The following SLC25A26 variants were observed in gnomAD, a reference collection of about 807,000 sequenced individuals.
SLC25A26 encodes the protein solute carrier family 25 member 26.
SLC25A26 carries 36 observed loss-of-function variants against 37.8 expected under a neutral mutation model. That is an observed-to-expected ratio of 0.95 (90% confidence interval 0.73 to 1.26). The LOEUF (loss-of-function observed/expected upper bound fraction) is 1.26. SLC25A26 is among the 50% of genes most tolerant of loss of function. The pLI is 0.00. For missense variants in SLC25A26, 390 were observed against 331.1 expected (o/e 1.18, Z -1.38); for synonymous variants, 129 against 122.5 (o/e 1.05, Z -0.35).
In SLC25A26 at chr3:66,157,417, C is replaced by T. The variant is rs537092712; in HGVS notation, c.-354+23433C>T. Reference sequence around the variant, plus strand: ...CCAGTCTAGGCAACACAGTGAGACTCCATCTCTATTAAAAAAGGAAAAAGC... The same window carrying T: ...CCAGTCTAGGCAACACAGTGAGACTTCATCTCTATTAAAAAAGGAAAAAGC... On this transcript the variant is annotated intron_variant, in intron 1 of 10. Transcript: ENST00000676754. 9.9e-5 allele frequency among the ~76,000 whole-genome samples: 15 copies of T among 152,256 alleles called. No homozygotes were observed. In the South Asian group the frequency reaches 1.9e-3, roughly 19 times the overall value.
chr3:66,221,328 C>G (rs938559358), intron 1 of SLC25A26, among the ~76,000 whole-genome samples: 1 of 152,346 alleles, frequency 6.6e-6, no homozygotes, highest in South Asian at 2.1e-4. Flanking sequence ...ACTGCCAGGT[C>G]ATAAGAGCCA....
intron 1 of SLC25A26, among the ~76,000 whole-genome samples, chr3:66,185,510 A>G (rs2106773956): frequency 6.6e-6 from 1 of 152,248 alleles, no homozygotes; most frequent in African/African-American, 2.4e-5. Context: ...TAATTTTTTG[A>G]GGAACCAACC....
intron 1 of SLC25A26, among the ~76,000 whole-genome samples, chr3:66,174,734 C>A (rs1235141649): frequency 1.3e-5 from 2 of 149,934 alleles, no homozygotes; most frequent in African/African-American, 2.5e-5. Context: ...TGCAGTGAGC[C>A]GAGATCGCGC....
chr3:66,238,469 A>C (rs937900048), intron 2 of SLC25A26, among the ~76,000 whole-genome samples: 1 of 151,798 alleles, frequency 6.6e-6, no homozygotes, highest in African/African-American at 2.4e-5. Context: ...TGCAGCCTCC[A>C]CCTCCTGGGT....
chr3:66,244,290 C>G (rs1483250064), intron 3 of SLC25A26, among the ~76,000 whole-genome samples: 1 of 152,194 alleles, frequency 6.6e-6, no homozygotes, highest in African/African-American at 2.4e-5. Flanking sequence ...ATGTAACAAG[C>G]CCGAACCTGC....
At chr3:66,319,262 C>G (rs1487396324) in intron 5 of SLC25A26, among the ~76,000 whole-genome samples, 1 of 150,868 alleles carries the variant, frequency 6.6e-6, no homozygotes, top group Admixed American at 6.6e-5. Context: ...TTTTTTCTGT[C>G]TTTTTAACGT....
chr3:66,281,996 A>AGTT (rs1174119072), intron 5 of SLC25A26, among the ~76,000 whole-genome samples: 4 of 64,512 alleles, frequency 6.2e-5, no homozygotes, highest in African/African-American at 3.1e-4. Flanking sequence ...CTGATTTTGC[A>AGTT]TTTTTTTTTT....
chr3:66,320,635 AT>A (rs1671253799), intron 5 of SLC25A26, among the ~76,000 whole-genome samples: 1 of 152,120 alleles, frequency 6.6e-6, no homozygotes, highest in South Asian at 2.1e-4. Context: ...AAGGAATTCT[AT>A]TTTTAGCTGT....
intron 5 of SLC25A26, among the ~76,000 whole-genome samples, chr3:66,281,821 CCTT>C (rs1242809059): frequency 7.5e-6 from 1 of 132,940 alleles, no homozygotes; most frequent in Non-Finnish European, 1.5e-5. Context: ...CCCCGTTAGT[CCTT>C]TTTTTTTTTT....
chr3:66,369,530 T>TA lies in SLC25A26; in HGVS notation c.622dup (p.Thr208AsnfsTer11). 6 of 1,601,224 alleles carry TA rather than the reference T, an allele frequency of 3.7e-6. No individual in the cohort carries two copies. Among genetic ancestry groups the TA allele is most frequent in the South Asian group, 3.4e-5 (3 of 88,034 alleles). On this transcript the variant is annotated frameshift_variant, in exon 8 of 10. Transcript: ENST00000354883. LOFTEE classifies it high-confidence loss of function. ...CTCTAGACGTGGCAAAGACAAGAAT[T>TA]ACGCTGGCAAAGGTAAGTGGTGAAA...
chr3:66,377,816 C>T lies in SLC25A26; in HGVS notation c.*9C>T. 1 of 1,595,316 alleles carries T rather than the reference C, an allele frequency of 6.3e-7. No individual in the cohort carries two copies. The highest frequency in any genetic ancestry group is 8.6e-7 in the Non-Finnish European group (1 of 1,162,984). On this transcript the variant is annotated 3_prime_UTR_variant, in exon 10 of 10. Coordinates refer to ENST00000354883, the MANE Select transcript of SLC25A26 (RefSeq NM_001379210.1). ...GCAGAAAGAGTCCTTGAAGCAGAGA[C>T]AAGCCTCACCTCCACTTCTGTCAAG...
chr3:66,195,345 G>A (rs1559571358), intron 1 of SLC25A26, among the ~76,000 whole-genome samples: 1 of 152,254 alleles, frequency 6.6e-6, no homozygotes, highest in Non-Finnish European at 1.5e-5. Context: ...TATTCCAGGT[G>A]CAGCTGCTGC....
intron 5 of SLC25A26, among the ~76,000 whole-genome samples, chr3:66,343,116 A>G (rs959839729): frequency 5.3e-5 from 8 of 152,206 alleles, no homozygotes; most frequent in African/African-American, 1.7e-4. Flanking sequence ...ATGTAACTTC[A>G]AGCCAGACGC....
chr3:66,224,183 T>C (rs1411150742), intron 1 of SLC25A26, among the ~76,000 whole-genome samples: 1 of 152,194 alleles, frequency 6.6e-6, no homozygotes, highest in Admixed American at 6.5e-5. Context: ...AAAAGCCAGA[T>C]TGAAATACTC....
chr3:66,144,156 G>A (rs1283333131), intron 1 of SLC25A26, among the ~76,000 whole-genome samples: 1 of 152,078 alleles, frequency 6.6e-6, no homozygotes, highest in African/African-American at 2.4e-5. Flanking sequence ...AGACCTGAAT[G>A]ATAACAAGGA....
Position 66,236,553 on chromosome 3 carries a change from G to T in SLC25A26, c.43G>T (p.Val15Leu). 1 of 1,461,846 alleles carries T rather than the reference G, an allele frequency of 6.8e-7. No homozygotes were observed. Among genetic ancestry groups the T allele is most frequent in the South Asian group, 1.4e-5 (1 of 72,332 alleles). 90.6% of individuals were successfully genotyped at this position (1,461,846 alleles called of 1,614,324 possible). The change falls in exon 2 of 10, where the codon GTA becomes TTA. Residue 15 changes from valine (V) to leucine (L), a missense_variant. Coordinates refer to ENST00000354883, the MANE Select transcript of SLC25A26 (RefSeq NM_001379210.1). The part of the protein sequence containing the change: ...GFVAALVAGG[V>L]AGVSVDLILF... Reference sequence around the variant, plus strand: ...TCTTTTTTTTTCAAAGGCTGGTGGGGTAGCAGGTGTTTCTGTTGACTTGAT... The same window carrying T: ...TCTTTTTTTTTCAAAGGCTGGTGGGTTAGCAGGTGTTTCTGTTGACTTGAT...
At chr3:66,239,564 A>G (rs1042092112) in intron 2 of SLC25A26, among the ~76,000 whole-genome samples, 1 of 152,202 alleles carries the variant, frequency 6.6e-6, no homozygotes, top group African/African-American at 2.4e-5. Flanking sequence ...AAAATTATCA[A>G]ACCATCCTTG....
At chr3:66,244,158 G>A (rs1315944347) in intron 3 of SLC25A26, among the ~76,000 whole-genome samples, 1 of 152,100 alleles carries the variant, frequency 6.6e-6, no homozygotes, top group Non-Finnish European at 1.5e-5. Flanking sequence ...TTGCTTCTGT[G>A]ATGAAACCCT....
chr3:66,261,650 T>G lies in SLC25A26; in HGVS notation c.301-401T>G, dbSNP rs2073531698. On this transcript the variant is annotated intron_variant, in intron 3 of 9. Transcript: ENST00000354883. ...CTGATGGTCAGCTTGCCTCTACGGATGTATGCATTACTTCCAGTAAAGCAG... is the reference window on the plus strand; with the variant it reads ...CTGATGGTCAGCTTGCCTCTACGGAGGTATGCATTACTTCCAGTAAAGCAG... 3 of 173,894 alleles carry G rather than the reference T, an allele frequency of 1.7e-5. No individual in the cohort carries two copies. The South Asian group carries it at 4.2e-4, about 24-fold the overall frequency. 10.8% of individuals were successfully genotyped at this position (173,894 alleles called of 1,614,324 possible).
Sources: gnomAD v4.1 joint callset for allele counts (sites outside exome capture counted in the v4.1 genomes callset) on GRCh38, gnomAD v4.1.1 for gene constraint, MANE v1.5 for transcripts, NCBI Gene and HGNC (gene_info 2026-07-23, HGNC 2026-07-21) for gene names.